Variants in HIP1 observed in about 807,000 individuals in gnomAD.
The protein encoded by HIP1 is huntingtin interacting protein 1, also known as huntingtin-interacting protein 1.
A neutral mutation model predicts 147.6 loss-of-function variants in HIP1; 65 were observed. That is an observed-to-expected ratio of 0.44 (90% CI 0.36 to 0.54). The LOEUF (loss-of-function observed/expected upper bound fraction) is 0.54. HIP1 is among the 20% of genes least tolerant of loss of function. HIP1 has a pLI of 0.00. For missense variants in HIP1, 1,061 were observed against 1,299.6 expected (o/e 0.82, Z 2.82); for synonymous variants, 479 against 504.0 (o/e 0.95, Z 0.67).
At chr7:75,612,737 A>T (rs1554505293) in intron 1 of HIP1, among the ~76,000 whole-genome samples, 1 of 152,062 alleles carries the variant, frequency 6.6e-6, no homozygotes, top group East Asian at 1.9e-4. Flanking sequence ...TGAACCCAGG[A>T]GATGGAGGTT....
chr7:75,706,480 T>TTA (rs1800999846), intron 1 of HIP1, among the ~76,000 whole-genome samples: 2 of 145,310 alleles, frequency 1.4e-5, no homozygotes, highest in Admixed American at 6.7e-5. Flanking sequence ...CTTCTTTTTT[T>TTA]TTATTTTTTT....
chr7:75,725,892 G>A (rs1801635356), intron 1 of HIP1, among the ~76,000 whole-genome samples: 2 of 146,284 alleles, frequency 1.4e-5, no homozygotes, highest in South Asian at 4.3e-4. Context: ...GCACAATCTC[G>A]GCTCACTGCG....
At chr7:75,701,637 G>A (rs1352556993) in intron 1 of HIP1, among the ~76,000 whole-genome samples, 1 of 151,870 alleles carries the variant, frequency 6.6e-6, no homozygotes, top group Admixed American at 6.6e-5. Context: ...ATCACTTGAG[G>A]CCAGGAGTTT....
At chr7:75,647,750 C>T (rs1329579200) in intron 1 of HIP1, among the ~76,000 whole-genome samples, 1 of 152,236 alleles carries the variant, frequency 6.6e-6, no homozygotes, top group Non-Finnish European at 1.5e-5. Context: ...ACAGACCAGC[C>T]AGTTCTGTCC....
Position 75,700,369 on chromosome 7 carries a change from C to T in HIP1, c.120+38432G>A, listed in dbSNP as rs574534068. Among the ~76,000 whole-genome samples the T allele has an allele frequency of 5.2e-4, 79 of 152,270 alleles. 2 individuals carry two copies. The South Asian group carries it at 0.016, about 31-fold the overall frequency. ...CTGGCCCTGTAGGCACTTGGGAAAC[C>T]TTTTCTGTGGCATGAAGGGCACTGT... is the stretch of plus-strand genomic sequence containing the variant. On this transcript the variant is annotated intron_variant, in intron 1 of 30. Coordinates refer to ENST00000336926, the MANE Select transcript of HIP1 (RefSeq NM_005338.7).
Position 75,551,368 on chromosome 7 carries a change from A to G in HIP1, c.2295+2085T>C, listed in dbSNP as rs587716316. 3.3e-5 allele frequency among the ~76,000 whole-genome samples: 5 copies of G among 150,344 alleles called. 1 individual carries two copies. In the South Asian group the frequency reaches 1.1e-3, roughly 32 times the overall value. ...ATGTGCTGGGATTACAAAATTAGCC[A>G]CCACAACTGGCTAATTTTGTATTTT... On this transcript the variant is annotated intron_variant, in intron 22 of 30. Coordinates refer to ENST00000336926, the MANE Select transcript of HIP1 (RefSeq NM_005338.7).
chr7:75,652,765 G>T (rs1195507334), intron 1 of HIP1, among the ~76,000 whole-genome samples: 3 of 152,180 alleles, frequency 2.0e-5, no homozygotes, highest in African/African-American at 7.2e-5. Flanking sequence ...AAAGTCTGAA[G>T]TGGTGAAGAG....
At chr7:75,692,184 C>A (rs188287928) in intron 1 of HIP1, among the ~76,000 whole-genome samples, 21 of 152,232 alleles carry the variant, frequency 1.4e-4, no homozygotes, top group African/African-American at 4.1e-4. Context: ...GCTTTTTAAC[C>A]TCTTTTCCCT....
rs1491555852 is a variant in HIP1, at chr7:75,595,255, C to CTTTCTTTCTTTCTTT, written c.185-2742_185-2741insAAAGAAAGAAAGAAA. Among the ~76,000 whole-genome samples the CTTTCTTTCTTTCTTT allele has an allele frequency of 2.0e-3, 138 of 68,234 alleles. 3 individuals carry two copies. The highest frequency in any genetic ancestry group is 4.6e-3 in the East Asian group (8 of 1,758). The allele number at this position is 68,234 out of a possible 152,430, so 44.8% of individuals were successfully genotyped here. On this transcript the variant is annotated intron_variant, in intron 2 of 30. Transcript: ENST00000336926. ...TTCTTTCTTTCTTTCTTTCTTTCTT[C>CTTTCTTTCTTTCTTT]CTTCCTTCCTTCCTTCCTTCCTTCC...
chr7:75,623,204 A>T (rs1394301351), intron 1 of HIP1, among the ~76,000 whole-genome samples: 2 of 140,668 alleles, frequency 1.4e-5, no homozygotes, highest in African/African-American at 2.6e-5. Context: ...TCTCAAAAAA[A>T]AAAAGCAAAA....
At chr7:75,605,451 AG>A (rs1404236594) in intron 1 of HIP1, among the ~76,000 whole-genome samples, 1 of 152,094 alleles carries the variant, frequency 6.6e-6, no homozygotes, top group Non-Finnish European at 1.5e-5. Flanking sequence ...CAGCAGGTGG[AG>A]GGGAATGGGC....
intron 1 of HIP1, among the ~76,000 whole-genome samples, chr7:75,602,591 C>T (rs923485143): frequency 5.5e-5 from 8 of 146,120 alleles, no homozygotes. Flanking sequence ...CAACCTCTGC[C>T]TCCTGAGTTC....
intron 1 of HIP1, among the ~76,000 whole-genome samples, chr7:75,645,667 T>G (rs1554511047): frequency 6.6e-6 from 1 of 152,098 alleles, no homozygotes; most frequent in East Asian, 1.9e-4. Flanking sequence ...CTATTCACAA[T>G]AGTAAAGACA....
chr7:75,645,895 C>A (rs1239401120), intron 1 of HIP1, among the ~76,000 whole-genome samples: 4 of 152,050 alleles, frequency 2.6e-5, no homozygotes, highest in Admixed American at 2.6e-4. Context: ...ACATTGGGTG[C>A]AAGTGGACAT....
chr7:75,666,485 T>A (rs1799563845), intron 1 of HIP1, among the ~76,000 whole-genome samples: 1 of 152,102 alleles, frequency 6.6e-6, no homozygotes, highest in Non-Finnish European at 1.5e-5. Flanking sequence ...ATTATATATT[T>A]AAAAAATAGA....
chr7:75,565,372 C>T (rs1460155162), intron 9 of HIP1, among the ~76,000 whole-genome samples: 1 of 152,224 alleles, frequency 6.6e-6, no homozygotes, highest in Non-Finnish European at 1.5e-5. Flanking sequence ...CAGTAACAGG[C>T]TCAACTGCTT....
At chr7:75,702,948 A>T (rs540857375) in intron 1 of HIP1, among the ~76,000 whole-genome samples, 3 of 152,310 alleles carry the variant, frequency 2.0e-5, no homozygotes, top group Admixed American at 2.0e-4. Flanking sequence ...TTAGGCCCCC[A>T]TCTCCAACAC....
At chr7:75,661,987 G>A (rs781995068) in intron 1 of HIP1, among the ~76,000 whole-genome samples, 5 of 151,654 alleles carry the variant, frequency 3.3e-5, no homozygotes, top group Admixed American at 1.3e-4. Flanking sequence ...AAGAGGAAGC[G>A]CAATGGGAGA....
intron 1 of HIP1, among the ~76,000 whole-genome samples, chr7:75,601,325 A>T (rs1796963426): frequency 6.6e-6 from 1 of 152,096 alleles, no homozygotes; most frequent in Non-Finnish European, 1.5e-5. Context: ...ACAGTGGCTC[A>T]TGCCTGTAAT....
Sources: gnomAD v4.1 joint callset for allele counts (sites outside exome capture counted in the v4.1 genomes callset) on GRCh38, gnomAD v4.1.1 for gene constraint, MANE v1.5 for transcripts, NCBI Gene and HGNC (gene_info 2026-07-23, HGNC 2026-07-21) for gene names.